Variants in DLD observed in about 807,000 individuals in gnomAD.
DLD encodes the protein dihydrolipoyl dehydrogenase, mitochondrial.
In DLD, 36 loss-of-function variants were observed where a neutral mutation model predicts 62.2. The observed-to-expected ratio is 0.58, with a 90% confidence interval of 0.44 to 0.76. DLD has a LOEUF of 0.76. Among genes scored for constraint, DLD ranks in the 30% least tolerant of loss-of-function variants. DLD has a pLI of 0.00. For missense variants in DLD, 541 were observed against 608.6 expected (o/e 0.89, Z 1.17); for synonymous variants, 204 against 199.6 (o/e 1.02, Z -0.19).
At chr7:107,900,313 G>A (rs534843256) in intron 2 of DLD, among the ~76,000 whole-genome samples, 15 of 152,154 alleles carry the variant, frequency 9.9e-5, no homozygotes, top group South Asian at 4.2e-4. Flanking sequence ...TGTGTTTTTG[G>A]GGAGAGGGGG....
intron 9 of DLD, among the ~76,000 whole-genome samples, chr7:107,916,543 G>A (rs1032057649): frequency 6.6e-6 from 1 of 151,858 alleles, no homozygotes; most frequent in Non-Finnish European, 1.5e-5. Flanking sequence ...GTGGTGGCGC[G>A]TGCCTGTAGT....
chr7:107,912,295 C>T lies in DLD; in HGVS notation c.685-3211C>T, dbSNP rs147611166. Among the ~76,000 whole-genome samples the T allele has an allele frequency of 4.4e-3, 673 of 152,082 alleles. 6 individuals are homozygous for T. Among genetic ancestry groups the T allele is most frequent in the African/African-American group, 0.015 (639 of 41,534 alleles). ...GAATAGTGCTGCAGTAAACATAAAG[C>T]GCAGATACCTCTTCAATATATTGAT... On this transcript the variant is annotated intron_variant, in intron 8 of 13. Coordinates refer to ENST00000205402, the MANE Select transcript of DLD (RefSeq NM_000108.5).
rs1469854380 is a variant in DLD, at chr7:107,919,622, A to G, written c.*363A>G. ...TTTACATGGCTGGAGCTAGAATTTG[A>G]TATGTGAACAGTTGTGTTTGAAGCA... On this transcript the variant is annotated 3_prime_UTR_variant, in exon 14 of 14. Transcript: ENST00000205402. 2.3e-5 allele frequency: 5 copies of G among 215,532 alleles called. No homozygotes were observed. Among genetic ancestry groups the G allele is most frequent in the South Asian group, 7.1e-5 (1 of 14,012 alleles). The allele number at this position is 215,532 out of a possible 1,614,324, so 13.4% of individuals were successfully genotyped here.
intron 2 of DLD, among the ~76,000 whole-genome samples, chr7:107,893,825 G>A (rs1010765838): frequency 6.6e-6 from 1 of 152,178 alleles, no homozygotes; most frequent in Non-Finnish European, 1.5e-5. Flanking sequence ...TTGTAAGGCA[G>A]GTCTAGTAGT....
chr7:107,905,282 C>G lies in DLD; in HGVS notation c.439-79C>G, dbSNP rs542526437. 6.6e-5 allele frequency: 92 copies of G among 1,399,328 alleles called. No homozygotes were observed. In the African/African-American group the frequency reaches 1.2e-3, roughly 19 times the overall value. The allele number at this position is 1,399,328 out of a possible 1,614,324, so 86.7% of individuals were successfully genotyped here. On this transcript the variant is annotated intron_variant, in intron 6 of 13. Transcript: ENST00000205402. ...CATTTTGTTTTAGATAAATTATTTACAGAGTAATTTTTCCTTTGAATGATT... is the reference window on the plus strand; with the variant it reads ...CATTTTGTTTTAGATAAATTATTTAGAGAGTAATTTTTCCTTTGAATGATT...
rs1241052092 is a variant in DLD at position 107,893,254 on chromosome 7, C to T, written c.94C>T (p.Leu32=). 1 of 1,613,314 alleles carries T rather than the reference C, an allele frequency of 6.2e-7. No homozygotes were observed. The highest frequency in any genetic ancestry group is 8.5e-7 in the Non-Finnish European group (1 of 1,179,608). Residue 32 remains leucine (L), a synonymous_variant, in exon 2 of 14, where the codon CTG becomes TTG. Coordinates refer to ENST00000205402, the MANE Select transcript of DLD (RefSeq NM_000108.5). Reference sequence around the variant, plus strand: ...CCTACAGGGACTTTCTGCAGTGCCTCTGAGAACTTACGCAGATCAGCCGAG... The same window carrying T: ...CCTACAGGGACTTTCTGCAGTGCCTTTGAGAACTTACGCAGATCAGCCGAG... ...HGLQGLSAVP[L]RTYADQPIDA...
chr7:107,918,966 G>T, intron 12 of DLD, 44 bp from the exon 13 acceptor site: 2 of 1,547,684 alleles, frequency 1.3e-6, no homozygotes, highest in Non-Finnish European at 1.8e-6. Context: ...TTAGCATGTA[G>T]TTTTTGCCTT....
rs571111421 is a variant in DLD at position 107,892,299 on chromosome 7, A to G, written c.40-901A>G. ...TAGAGATTAGGGAGATTATGATGCA[A>G]TTTGTCAAACTGTAGTAGCACCAGA... is the stretch of plus-strand genomic sequence containing the variant. On this transcript the variant is annotated intron_variant, in intron 1 of 13. Transcript: ENST00000205402. Among the ~76,000 whole-genome samples, 9 of 152,256 alleles carry G rather than the reference A, an allele frequency of 5.9e-5. No individual in the cohort carries two copies. In the East Asian group the frequency reaches 1.7e-3, roughly 29 times the overall value.
intron 5 of DLD, chr7:107,903,895 A>G (rs1221217732): frequency 1.4e-5 from 3 of 221,620 alleles, no homozygotes; most frequent in South Asian, 6.2e-5. Flanking sequence ...CCTGAGTACT[A>G]TGGGGAGATA....
In DLD at chr7:107,902,510, C is replaced by G. The variant is rs146985203; in HGVS notation, c.267+117C>G. On this transcript the variant is annotated intron_variant, in intron 4 of 13. Transcript: ENST00000205402. ...TTAAAAAACAATCCAAGTTGTGGCACATTTCACACAGAGAAAAAAAAGAAT... is the reference window on the plus strand; with the variant it reads ...TTAAAAAACAATCCAAGTTGTGGCAGATTTCACACAGAGAAAAAAAAGAAT... 8.2e-3 allele frequency: 7,142 copies of G among 875,940 alleles called. 48 individuals are homozygous for G. The highest frequency in any genetic ancestry group is 1.0e-2 in the Non-Finnish European group (5,219 of 522,710). The allele number at this position is 875,940 out of a possible 1,614,324, so 54.3% of individuals were successfully genotyped here.
chr7:107,891,138 G>A (rs1340436285), upstream of DLD: 3 of 1,373,058 alleles, frequency 2.2e-6, no homozygotes, highest in South Asian at 1.2e-5. Context: ...GCTGCTCCCG[G>A]GTGATGACGT....
At chr7:107,894,566 G>C (rs1210711340) in intron 2 of DLD, among the ~76,000 whole-genome samples, 2 of 152,136 alleles carry the variant, frequency 1.3e-5, no homozygotes, top group African/African-American at 4.8e-5. Context: ...TGTTAAATAG[G>C]AATCTCATTC....
chr7:107,891,453 G>C, intron 1 of DLD, 164 bp downstream of exon 1: 1 of 757,222 alleles, frequency 1.3e-6, no homozygotes. Flanking sequence ...CCTGGGCTCC[G>C]AGGTGGCCGC....
In DLD at chr7:107,899,302, G is replaced by C. The variant is rs141427225; in HGVS notation, c.119-2436G>C. Among the ~76,000 whole-genome samples, 835 of 149,682 alleles carry C rather than the reference G, an allele frequency of 5.6e-3. 3 individuals are homozygous for C. Among genetic ancestry groups the C allele is most frequent in the African/African-American group, 0.014 (557 of 40,540 alleles). On this transcript the variant is annotated intron_variant, in intron 2 of 13. Transcript: ENST00000205402. Reference sequence around the variant, plus strand: ...CTTAGCACTTTAGTGGTATTGTAATGGAATATTACATCTAGTATGTACAGT... The same window carrying C: ...CTTAGCACTTTAGTGGTATTGTAATCGAATATTACATCTAGTATGTACAGT...
At chr7:107,904,107 C>T (rs2031945446) in intron 5 of DLD, among the ~76,000 whole-genome samples, 2 of 152,208 alleles carry the variant, frequency 1.3e-5, no homozygotes, top group Non-Finnish European at 1.5e-5. Flanking sequence ...TGGGCAGGAC[C>T]TAGTCATAAC....
chr7:107,898,666 C>T (rs1338845417), intron 2 of DLD, among the ~76,000 whole-genome samples: 3 of 151,700 alleles, frequency 2.0e-5, no homozygotes, highest in African/African-American at 7.3e-5. Context: ...TCTCGGCTCA[C>T]TGCAAGCTCT....
chr7:107,920,801 T>A lies in DLD; in HGVS notation c.*1542T>A, dbSNP rs1021336791. Reference sequence around the variant, plus strand: ...GACATTGAGCCAGTGCTGTTCACTTTTTAAGTGCCAACTTCCCTCTACTTT... The same window carrying A: ...GACATTGAGCCAGTGCTGTTCACTTATTAAGTGCCAACTTCCCTCTACTTT... On this transcript the variant is annotated 3_prime_UTR_variant, in exon 14 of 14. Coordinates refer to ENST00000205402, the MANE Select transcript of DLD (RefSeq NM_000108.5). 1 of 152,242 alleles carries A rather than the reference T, an allele frequency of 6.6e-6. No individual in the cohort carries two copies. Among genetic ancestry groups the A allele is most frequent in the Non-Finnish European group, 1.5e-5 (1 of 68,038 alleles). 9.4% of individuals were successfully genotyped at this position (152,242 alleles called of 1,614,324 possible).
At position 107,903,187 on chromosome 7, in the gene DLD, C is replaced by T. The variant is rs113218317; in HGVS notation, c.268-291C>T. ...GCCGAGGCGGGTGGATCACCTGAGG[C>T]TGGGAGTTTGGGACCAGCCTGACCA... On this transcript the variant is annotated intron_variant, in intron 4 of 13. Coordinates refer to ENST00000205402, the MANE Select transcript of DLD (RefSeq NM_000108.5). Among the ~76,000 whole-genome samples, 1,384 of 152,086 alleles carry T rather than the reference C, an allele frequency of 9.1e-3. 18 individuals are homozygous for T. The highest frequency in any genetic ancestry group is 0.032 in the African/African-American group (1,314 of 41,482).
chr7:107,895,531 C>A (rs919813760), intron 2 of DLD, among the ~76,000 whole-genome samples: 3 of 152,080 alleles, frequency 2.0e-5, no homozygotes, highest in African/African-American at 7.3e-5. Context: ...TTCATTCATT[C>A]TTTTATTATT....
Sources: gnomAD v4.1 joint callset for allele counts (sites outside exome capture counted in the v4.1 genomes callset) on GRCh38, gnomAD v4.1.1 for gene constraint, MANE v1.5 for transcripts, NCBI Gene and HGNC (gene_info 2026-07-23, HGNC 2026-07-21) for gene names.